Variants in RTL4 observed in about 807,000 individuals in gnomAD.
The protein encoded by RTL4 is retrotransposon Gag-like protein 4.
Under a neutral mutation model 5.3 loss-of-function variants are expected in RTL4, and 4 were observed. That is an observed-to-expected ratio of 0.75 (90% CI 0.37 to 1.72). The LOEUF is 1.72. RTL4 is among the 40% of genes most tolerant of loss of function. The pLI, the probability that RTL4 is intolerant of heterozygous loss-of-function variation, is 0.04. For missense variants in RTL4, 260 were observed against 227.1 expected, an observed-to-expected ratio of 1.14 and a Z score of -0.93; for synonymous variants, 98 against 87.3, an observed-to-expected ratio of 1.12 and a Z score of -0.68.
the RTL4 span, among the ~76,000 whole-genome samples, chrX:112,447,748 C>A: frequency 1.3e-4 from 14 of 111,790 alleles, no homozygotes; most frequent in African/African-American, 4.5e-4. Flanking sequence ...TATTAAGTGA[C>A]ATTATAAGGT....
chrX:112,214,562 T>C, the RTL4 span, among the ~76,000 whole-genome samples: 1 of 112,255 alleles, frequency 8.9e-6, no homozygotes, highest in Non-Finnish European at 1.9e-5. Context: ...ATGGTAGTTC[T>C]ATTTTTAAAT....
the RTL4 span, among the ~76,000 whole-genome samples, chrX:112,325,343 G>A: frequency 8.9e-6 from 1 of 111,749 alleles, no homozygotes; most frequent in East Asian, 2.8e-4. Flanking sequence ...ACATTGCCAA[G>A]TCAATCCTAA....
chrX:112,143,125 G>A, the RTL4 span, among the ~76,000 whole-genome samples: 76 of 111,304 alleles, frequency 6.8e-4, no homozygotes, highest in African/African-American at 2.2e-3. Context: ...CACCGCACCC[G>A]GCCTGGAGAA....
At chrX:112,327,050 TG>T in the RTL4 span, among the ~76,000 whole-genome samples, 8 of 111,162 alleles carry the variant, frequency 7.2e-5, no homozygotes, top group African/African-American at 2.3e-4. Flanking sequence ...ACCACAAAGA[TG>T]GGGAAAAAAC....
At chrX:112,351,710 C>T in the RTL4 span, among the ~76,000 whole-genome samples, 11 of 109,190 alleles carry the variant, frequency 1.0e-4, no homozygotes, top group Admixed American at 1.1e-3. Context: ...TTTTGTTTTC[C>T]ATTTGCTTGG....
chrX:112,418,540 A>T, the RTL4 span, among the ~76,000 whole-genome samples: 1,314 of 111,805 alleles, frequency 0.012, 51 homozygotes, highest in Admixed American at 0.099. Flanking sequence ...CAATGGAAGA[A>T]TGTTAGGTAT....
chrX:112,362,305 G>A, the RTL4 span, among the ~76,000 whole-genome samples: 189 of 111,937 alleles, frequency 1.7e-3, no homozygotes, highest in African/African-American at 5.5e-3. Context: ...GAGCTTTCAT[G>A]TAGTGGTGGA....
At chrX:112,204,673 T>C in the RTL4 span, among the ~76,000 whole-genome samples, 1 of 111,323 alleles carries the variant, frequency 9.0e-6, no homozygotes, top group Non-Finnish European at 1.9e-5. Flanking sequence ...GAGGCTGGGA[T>C]GGGTAGTGAG....
the RTL4 span, among the ~76,000 whole-genome samples, chrX:112,175,224 A>C: frequency 1.0e-5 from 1 of 98,885 alleles, no homozygotes; most frequent in Non-Finnish European, 2.0e-5. Flanking sequence ...TCTAACGTTT[A>C]AGTCTTTAAT....
At chrX:112,258,574 A>G in the RTL4 span, among the ~76,000 whole-genome samples, 1 of 111,005 alleles carries the variant, frequency 9.0e-6, no homozygotes, top group Non-Finnish European at 1.9e-5. Context: ...CTCCTTTTTA[A>G]TTGAATTGTT....
the RTL4 span, among the ~76,000 whole-genome samples, chrX:112,363,299 C>A: frequency 9.0e-6 from 1 of 111,229 alleles, no homozygotes; most frequent in Non-Finnish European, 1.9e-5. Flanking sequence ...ATAATCATTT[C>A]TTCCTATTAA....
the RTL4 span, among the ~76,000 whole-genome samples, chrX:112,195,961 C>A: frequency 9.0e-6 from 1 of 111,393 alleles, no homozygotes; most frequent in African/African-American, 3.3e-5. Context: ...CATATGATTA[C>A]CAGAAACAGT....
the RTL4 span, among the ~76,000 whole-genome samples, chrX:112,435,558 C>T: frequency 1.8e-5 from 2 of 111,665 alleles, no homozygotes; most frequent in Non-Finnish European, 3.8e-5. Context: ...AACTCCCATG[C>T]CCTCATGATA....
At chrX:112,422,800 G>C in the RTL4 span, among the ~76,000 whole-genome samples, 3 of 109,929 alleles carry the variant, frequency 2.7e-5, no homozygotes, top group African/African-American at 9.9e-5. Context: ...GAAAAGAATT[G>C]GATTATGATT....
At chrX:112,236,521 C>A in the RTL4 span, among the ~76,000 whole-genome samples, 2 of 85,912 alleles carry the variant, frequency 2.3e-5, no homozygotes, top group Non-Finnish European at 4.5e-5. Flanking sequence ...ATATAAAATA[C>A]GACTATGTCT....
the RTL4 span, among the ~76,000 whole-genome samples, chrX:112,176,991 CAAGT>C: frequency 2.7e-5 from 3 of 110,338 alleles, no homozygotes; most frequent in Non-Finnish European, 5.7e-5. Flanking sequence ...CATGTTGCAG[CAAGT>C]GAGAGGATTT....
chrX:112,201,328 C>G, the RTL4 span, among the ~76,000 whole-genome samples: 1 of 111,134 alleles, frequency 9.0e-6, no homozygotes, highest in Admixed American at 9.5e-5. Context: ...GACACAAAGC[C>G]TAACCTTTTC....
the RTL4 span, among the ~76,000 whole-genome samples, chrX:112,374,115 T>C: frequency 9.0e-6 from 1 of 111,524 alleles, no homozygotes; most frequent in African/African-American, 3.3e-5. Flanking sequence ...TTCATGAAGA[T>C]ATTCTCATAT....
the RTL4 span, among the ~76,000 whole-genome samples, chrX:112,181,490 TG>T: frequency 7.4e-3 from 819 of 110,654 alleles, 4 homozygotes; most frequent in South Asian, 0.014. Context: ...TCAAGCTTGG[TG>T]GGGGGAAGGG....
Sources: allele counts gnomAD v4.1 joint callset (sites outside exome capture counted in the v4.1 genomes callset), GRCh38; gene constraint gnomAD v4.1.1; transcripts MANE v1.5; gene names NCBI Gene and HGNC (gene_info 2026-07-23, HGNC 2026-07-21).